DCTN6: variants seen among roughly 807,000 people sequenced by gnomAD.
The protein encoded by DCTN6 is dynactin subunit 6.
Under a neutral mutation model 25.8 loss-of-function variants are expected in DCTN6, and 15 were observed. That is an observed-to-expected ratio of 0.58 (90% CI 0.39 to 0.89). The LOEUF is 0.89. Ranked by LOEUF, DCTN6 falls within the 40% of genes least tolerant of loss-of-function variation. The probability of loss-of-function intolerance (pLI) is 0.00; values close to 1 mark genes in which losing one functional copy is unlikely to be tolerated. For synonymous variants in DCTN6, 64 were observed against 78.3 expected (o/e 0.82, Z 0.96); for missense variants, 198 against 237.6 (o/e 0.83, Z 1.09).
Position 30,175,092 on chromosome 8 carries a change from G to A in DCTN6, c.96G>A (p.Arg32=), listed in dbSNP as rs751768664. The A allele has an allele frequency of 2.5e-6, 4 of 1,613,870 alleles. No individual in the cohort carries two copies. The highest frequency in any genetic ancestry group is 2.2e-5 in the South Asian group (2 of 91,076). ...TCAAACTATTTTTAACAGGACCTCG[G>A]ACAGTGATCCACCCTAAAGCAAGAA... ...EIRGDVTIGP[R]TVIHPKARII... Residue 32 remains arginine (R), a synonymous_variant, in exon 3 of 7, where the codon CGG becomes CGA. Transcript: ENST00000221114.
chr8:30,164,382 T>A (rs891851721), intron 2 of DCTN6, among the ~76,000 whole-genome samples: 9 of 152,208 alleles, frequency 5.9e-5, no homozygotes, highest in African/African-American at 9.6e-5. Flanking sequence ...GAAATACTAA[T>A]GAGGCTGTAT....
At chr8:30,163,565 T>C (rs1803624380) in intron 1 of DCTN6, among the ~76,000 whole-genome samples, 2 of 152,232 alleles carry the variant, frequency 1.3e-5, no homozygotes, top group South Asian at 4.1e-4. Context: ...CGTGCTGCTA[T>C]TAAAAGAAAA....
At chr8:30,164,320 T>A in intron 2 of DCTN6, 145 bp downstream of exon 2, 2 of 686,764 alleles carry the variant, frequency 2.9e-6, no homozygotes. Context: ...CCTATGTGTT[T>A]AAATTTCTGA....
intron 3 of DCTN6, 124 bp from the exon 4 acceptor site, chr8:30,177,002 T>C (rs903470885): frequency 4.5e-6 from 3 of 665,736 alleles, no homozygotes; most frequent in African/African-American, 1.8e-5. Flanking sequence ...AAATAACTTA[T>C]ATAGTCATGT....
intron 5 of DCTN6, among the ~76,000 whole-genome samples, 198 bp from the exon 6 acceptor site, chr8:30,180,290 A>T (rs1186930037): frequency 3.3e-5 from 5 of 152,182 alleles, no homozygotes; most frequent in Admixed American, 3.3e-4. Context: ...ATAGCAGCAG[A>T]GCTCCATTTT....
intron 2 of DCTN6, among the ~76,000 whole-genome samples, chr8:30,168,680 A>C (rs745638456): frequency 7.2e-5 from 11 of 152,206 alleles, no homozygotes; most frequent in Non-Finnish European, 1.5e-4. Flanking sequence ...ATGGAACTTT[A>C]AACCCGATCT....
intron 2 of DCTN6, among the ~76,000 whole-genome samples, chr8:30,170,125 A>T (rs997851163): frequency 6.6e-6 from 1 of 151,624 alleles, no homozygotes; most frequent in African/African-American, 2.4e-5. Context: ...GTGAACTGAG[A>T]TGGTGCCACT....
At chr8:30,157,686 TGCTGGGG>T (rs537994595) in intron 1 of DCTN6, among the ~76,000 whole-genome samples, 1 of 152,210 alleles carries the variant, frequency 6.6e-6, no homozygotes, top group Non-Finnish European at 1.5e-5. Context: ...TAGTCTTCAT[TGCTGGGG>T]GCTGTTGGTG....
At chr8:30,172,355 G>A (rs1436227810) in intron 2 of DCTN6, among the ~76,000 whole-genome samples, 2 of 152,150 alleles carry the variant, frequency 1.3e-5, no homozygotes, top group African/African-American at 2.4e-5. Flanking sequence ...ATTTCTTGGT[G>A]TGAAAGAAGT....
rs139538182 is a variant in DCTN6, at chr8:30,166,373, C to G, written c.88+2198C>G. ...TATTTTGCCAAGCTAGTCTTAAACT[C>G]CTGGGCTCAAGCGATCCTCCTGCCT... is the stretch of plus-strand genomic sequence containing the variant. On this transcript the variant is annotated intron_variant, in intron 2 of 6. Coordinates refer to ENST00000221114, the MANE Select transcript of DCTN6 (RefSeq NM_006571.4). Among the ~76,000 whole-genome samples, 1,419 of 145,118 alleles carry G rather than the reference C, an allele frequency of 9.8e-3. 49 individuals carry two copies. The highest frequency in any genetic ancestry group is 0.063 in the Admixed American group (899 of 14,258).
At position 30,183,275 on chromosome 8, in the gene DCTN6, G is replaced by A. The variant is rs1034883335; in HGVS notation, c.*102G>A. 2.3e-6 allele frequency: 2 copies of A among 853,456 alleles called. No individual in the cohort carries two copies. The highest frequency in any genetic ancestry group is 3.5e-6 in the Non-Finnish European group (2 of 566,836). 52.9% of individuals were successfully genotyped at this position (853,456 alleles called of 1,614,324 possible). A position where few individuals can be genotyped will look rare whatever the true frequency, so the allele number is the denominator to read the frequency against. ...CTTAACAACTCACAGAATAATACAT[G>A]TTCACTTTATTTTGTAAAATTGGGT... is the stretch of plus-strand genomic sequence containing the variant. On this transcript the variant is annotated 3_prime_UTR_variant, in exon 7 of 7. Transcript: ENST00000221114.
chr8:30,179,305 C>A, intron 4 of DCTN6, 103 bp from the exon 5 acceptor site: 1 of 887,704 alleles, frequency 1.1e-6, no homozygotes, highest in African/African-American at 1.7e-5. Context: ...CATGGCCCAT[C>A]TGACACCCCT....
chr8:30,181,604 C>T (rs1803911495), intron 6 of DCTN6, among the ~76,000 whole-genome samples: 1 of 152,162 alleles, frequency 6.6e-6, no homozygotes, highest in African/African-American at 2.4e-5. Flanking sequence ...ACCTAGCCTC[C>T]TTTTCCTCCC....
intron 1 of DCTN6, 104 bp downstream of exon 1, chr8:30,156,510 A>C (rs1365237725): frequency 1.5e-6 from 2 of 1,377,260 alleles, no homozygotes; most frequent in African/African-American, 2.9e-5. Flanking sequence ...CATCCTGGGC[A>C]TTCGGGCCGA....
intron 4 of DCTN6, 55 bp downstream of exon 4, chr8:30,177,269 A>C: frequency 7.1e-7 from 1 of 1,400,006 alleles, no homozygotes; most frequent in East Asian, 2.3e-5. Flanking sequence ...TTAGTACCTA[A>C]GTCTTCTCCT....
intron 2 of DCTN6, among the ~76,000 whole-genome samples, chr8:30,172,907 A>G (rs1585503219): frequency 1.3e-5 from 2 of 152,206 alleles, no homozygotes; most frequent in East Asian, 1.9e-4. Context: ...ATGCATATAT[A>G]TTTTTTGTTT....
intron 4 of DCTN6, among the ~76,000 whole-genome samples, chr8:30,178,460 T>C (rs932530913): frequency 3.9e-5 from 5 of 126,818 alleles, no homozygotes; most frequent in Non-Finnish European, 8.0e-5. Flanking sequence ...AAACTCCGTC[T>C]CAAAAAGATT....
chr8:30,164,242 A>G, intron 2 of DCTN6, 67 bp downstream of exon 2: 13 of 1,203,406 alleles, frequency 1.1e-5, no homozygotes, highest in Middle Eastern at 2.1e-4. Context: ...GTGCTTTACA[A>G]TTAGATACCG....
chr8:30,173,588 G>C (rs1043407508), intron 2 of DCTN6, among the ~76,000 whole-genome samples: 73 of 152,164 alleles, frequency 4.8e-4, no homozygotes, highest in African/African-American at 1.6e-3. Context: ...AAATTAGCTG[G>C]ATGTGGTGGC....
Sources: allele counts gnomAD v4.1 joint callset (sites outside exome capture counted in the v4.1 genomes callset), GRCh38; gene constraint gnomAD v4.1.1; transcripts MANE v1.5; gene names NCBI Gene and HGNC (gene_info 2026-07-23, HGNC 2026-07-21).